CAST: variants seen among roughly 807,000 people sequenced by gnomAD.
CAST encodes calpastatin.
Under a neutral mutation model 119.6 loss-of-function variants are expected in CAST, and 76 were observed. The observed-to-expected ratio is 0.64, with a 90% CI of 0.53 to 0.77. CAST has a LOEUF of 0.77. CAST is among the 30% of genes least tolerant of loss of function. CAST has a pLI of 0.00. For synonymous variants in CAST, 319 were observed against 331.6 expected (o/e 0.96, Z 0.41); for missense variants, 953 against 946.5 (o/e 1.01, Z -0.09).
intron 1 of CAST, among the ~76,000 whole-genome samples, chr5:96,569,298 A>G (rs1214361992): frequency 6.6e-6 from 1 of 152,242 alleles, no homozygotes; most frequent in Non-Finnish European, 1.5e-5. Flanking sequence ...GTATCATGTC[A>G]GAGTGGGAAG....
chr5:96,272,800 A>G, the CAST span, among the ~76,000 whole-genome samples: 1 of 152,214 alleles, frequency 6.6e-6, no homozygotes, highest in Non-Finnish European at 1.5e-5. Context: ...TGGATATTCC[A>G]ATCACACTGA....
At chr5:96,362,088 G>A in the CAST span, among the ~76,000 whole-genome samples, 1 of 151,952 alleles carries the variant, frequency 6.6e-6, no homozygotes, top group African/African-American at 2.4e-5. Context: ...GCGGTGTTTG[G>A]TTTTCTGTCC....
chr5:96,234,819 T>A, the CAST span, among the ~76,000 whole-genome samples: 1 of 152,240 alleles, frequency 6.6e-6, no homozygotes, highest in Non-Finnish European at 1.5e-5. Context: ...GTGGGTTGTG[T>A]ATGTGTGTAT....
At chr5:96,096,138 G>A in the CAST span, among the ~76,000 whole-genome samples, 3 of 152,126 alleles carry the variant, frequency 2.0e-5, no homozygotes, top group African/African-American at 7.2e-5. Flanking sequence ...AACTTCCTCT[G>A]AAGCTGCCCT....
At chr5:96,241,777 G>C in the CAST span, among the ~76,000 whole-genome samples, 2 of 150,460 alleles carry the variant, frequency 1.3e-5, no homozygotes, top group African/African-American at 2.4e-5. Context: ...GAGATGGTAT[G>C]TCATTGTGGT....
At chr5:96,156,320 A>G in the CAST span, among the ~76,000 whole-genome samples, 1 of 152,188 alleles carries the variant, frequency 6.6e-6, no homozygotes, top group East Asian at 1.9e-4. Flanking sequence ...CCTGGGCAGC[A>G]CATTATTTTT....
chr5:96,407,907 T>C, the CAST span, among the ~76,000 whole-genome samples: 3 of 152,188 alleles, frequency 2.0e-5, no homozygotes, highest in African/African-American at 4.8e-5. Context: ...ATTTGAGGGA[T>C]AGCATGAGTT....
the CAST span, among the ~76,000 whole-genome samples, chr5:96,514,730 CTTGT>C: frequency 7.2e-3 from 1,100 of 151,974 alleles, 17 homozygotes; most frequent in African/African-American, 0.024. Context: ...TTTCCTCTTG[CTTGT>C]TTGTTTGTTT....
At chr5:96,142,822 T>C in the CAST span, among the ~76,000 whole-genome samples, 2 of 152,204 alleles carry the variant, frequency 1.3e-5, no homozygotes, top group Admixed American at 6.5e-5. Flanking sequence ...TCTTTCAAAA[T>C]AAAGCACATC....
At chr5:96,287,260 C>CTG in the CAST span, among the ~76,000 whole-genome samples, 5 of 152,116 alleles carry the variant, frequency 3.3e-5, no homozygotes, top group Admixed American at 3.3e-4. Context: ...TTTCCTTCCA[C>CTG]TGTCTTGACC....
the CAST span, among the ~76,000 whole-genome samples, chr5:96,380,970 T>C: frequency 7.9e-5 from 12 of 152,186 alleles, no homozygotes; most frequent in Non-Finnish European, 1.5e-4. Context: ...TTGTATCTTT[T>C]AAAAAACATC....
chr5:95,993,148 G>A, the CAST span, among the ~76,000 whole-genome samples: 3 of 152,104 alleles, frequency 2.0e-5, no homozygotes, highest in South Asian at 6.2e-4. Context: ...TTCAGCAAAA[G>A]CACCAAGGTA....
the CAST span, among the ~76,000 whole-genome samples, chr5:96,050,696 C>G: frequency 3.3e-5 from 5 of 152,276 alleles, no homozygotes; most frequent in Middle Eastern, 3.4e-3. Flanking sequence ...GTTGAATGCT[C>G]CAATCCCTGC....
chr5:96,035,946 T>C, the CAST span, among the ~76,000 whole-genome samples: 1 of 152,080 alleles, frequency 6.6e-6, no homozygotes, highest in African/African-American at 2.4e-5. Context: ...AAAACAGCTC[T>C]CTTTGCCTAC....
chr5:96,170,299 C>T, the CAST span, among the ~76,000 whole-genome samples: 9 of 152,172 alleles, frequency 5.9e-5, no homozygotes, highest in African/African-American at 1.2e-4. Flanking sequence ...CCCGGGCTGC[C>T]GGCATTCCTT....
the CAST span, among the ~76,000 whole-genome samples, chr5:96,499,461 C>T: frequency 6.2e-4 from 94 of 152,302 alleles, 1 homozygote; most frequent in South Asian, 2.9e-3. Context: ...TAAAAAGATG[C>T]TAACAATTAT....
intron 1 of CAST, among the ~76,000 whole-genome samples, chr5:96,555,560 G>A (rs552814545): frequency 7.2e-5 from 11 of 152,192 alleles, no homozygotes; most frequent in African/African-American, 9.6e-5. Context: ...CTTAGCAAAC[G>A]GCACACCAGG....
At chr5:95,977,313 C>T in the CAST span, among the ~76,000 whole-genome samples, 1 of 152,214 alleles carries the variant, frequency 6.6e-6, no homozygotes, top group African/African-American at 2.4e-5. Context: ...AGAAAACAAA[C>T]CCACTACCTC....
the CAST span, among the ~76,000 whole-genome samples, chr5:96,109,179 C>T: frequency 1.3e-5 from 2 of 152,222 alleles, no homozygotes; most frequent in Non-Finnish European, 2.9e-5. Flanking sequence ...AGAAATCACC[C>T]GTCTTCTGTG....
Sources: gnomAD v4.1 joint callset for allele counts (sites outside exome capture counted in the v4.1 genomes callset) on GRCh38, gnomAD v4.1.1 for gene constraint, MANE v1.5 for transcripts, NCBI Gene and HGNC (gene_info 2026-07-23, HGNC 2026-07-21) for gene names.